The following DNAJC11 variants were observed in gnomAD, a reference collection of about 807,000 sequenced individuals.
The protein encoded by DNAJC11 is DnaJ heat shock protein family (Hsp40) member C11, also known as dnaJ homolog subfamily C member 11.
DNAJC11 carries 15 observed loss-of-function variants against 78.6 expected under a neutral mutation model. That is an observed-to-expected ratio of 0.19 (90% CI 0.13 to 0.29). The LOEUF is 0.29. Ranked by LOEUF, DNAJC11 falls within the 10% of genes least tolerant of loss-of-function variation. DNAJC11 has a pLI of 1.00. For synonymous variants in DNAJC11, 292 were observed against 272.1 expected (o/e 1.07, Z -0.72); for missense variants, 547 against 709.6 (o/e 0.77, Z 2.60).
At chr1:6,642,340 G>A (rs998507272) in intron 10 of DNAJC11, among the ~76,000 whole-genome samples, 3 of 152,238 alleles carry the variant, frequency 2.0e-5, no homozygotes, top group African/African-American at 7.2e-5. Flanking sequence ...GACAGGTTCC[G>A]TGGGGAGGGT....
In DNAJC11 at chr1:6,672,493, G is replaced by A. The variant is rs552003280; in HGVS notation, c.277-4683C>T. ...TTACATTCTGTGATGAATTACGAACGCAAATAATCCAAAGGTGGCAGATCA... is the reference window on the plus strand; with the variant it reads ...TTACATTCTGTGATGAATTACGAACACAAATAATCCAAAGGTGGCAGATCA... On this transcript the variant is annotated intron_variant, in intron 3 of 15. Transcript: ENST00000377577. Among the ~76,000 whole-genome samples, 7 of 152,290 alleles carry A rather than the reference G, an allele frequency of 4.6e-5. No homozygotes were observed. In the East Asian group the frequency reaches 1.3e-3, roughly 29 times the overall value.
chr1:6,675,484 T>C (rs1174588810), intron 3 of DNAJC11, among the ~76,000 whole-genome samples: 2 of 152,202 alleles, frequency 1.3e-5, no homozygotes, highest in Non-Finnish European at 2.9e-5. Context: ...GGTGTGATCA[T>C]GGCTCACTGA....
chr1:6,640,920 T>A (rs964107051), intron 10 of DNAJC11, among the ~76,000 whole-genome samples: 3 of 152,084 alleles, frequency 2.0e-5, no homozygotes, highest in Non-Finnish European at 4.4e-5. Flanking sequence ...TGCAAGAAGT[T>A]TAGGAAACCC....
At chr1:6,675,239 G>C (rs1642442761) in intron 3 of DNAJC11, among the ~76,000 whole-genome samples, 1 of 147,580 alleles carries the variant, frequency 6.8e-6, no homozygotes, top group Non-Finnish European at 1.5e-5. Context: ...TCTTCATTTA[G>C]TTTTCTTTGA....
chr1:6,648,858 C>T (rs892574680), intron 7 of DNAJC11, among the ~76,000 whole-genome samples: 1 of 152,202 alleles, frequency 6.6e-6, no homozygotes, highest in Non-Finnish European at 1.5e-5. Context: ...CTGTTCTCTT[C>T]TAAGTATGAA....
chr1:6,660,681 C>T (rs758345776), intron 4 of DNAJC11, among the ~76,000 whole-genome samples: 4 of 152,296 alleles, frequency 2.6e-5, no homozygotes, highest in South Asian at 2.1e-4. Context: ...ACCAAGTCAA[C>T]GAAAGATGAC....
At chr1:6,701,621 A>T in intron 1 of DNAJC11, 108 bp downstream of exon 1, 1 of 1,200,680 alleles carries the variant, frequency 8.3e-7, no homozygotes, top group Non-Finnish European at 1.1e-6. Context: ...GGCCTCCCCG[A>T]CGGACCCGAG....
At chr1:6,675,377 C>A (rs1399340544) in intron 3 of DNAJC11, among the ~76,000 whole-genome samples, 1 of 150,894 alleles carries the variant, frequency 6.6e-6, no homozygotes, top group Non-Finnish European at 1.5e-5. Context: ...TAACCACTTG[C>A]CACCCACGAC....
chr1:6,645,164 C>G lies in DNAJC11; in HGVS notation c.895-38G>C. On this transcript the variant is annotated intron_variant, in intron 8 of 15. Transcript: ENST00000377577. The surrounding 1 kb of genome is among the most constrained non-coding windows in gnomAD (Gnocchi z 4.1). ...AGGGTGCAAGGATGCGTGGCTAGGG[C>G]GTGTGACTCTGTGGGGAGATGGGTA... is the stretch of plus-strand genomic sequence containing the variant. The G allele has an allele frequency of 6.5e-7, 1 of 1,532,120 alleles. No individual in the cohort carries two copies. The highest frequency in any genetic ancestry group is 9.0e-7 in the Non-Finnish European group (1 of 1,107,792). The allele number at this position is 1,532,120 out of a possible 1,614,324, so 94.9% of individuals were successfully genotyped here. A position where few individuals can be genotyped will look rare whatever the true frequency, so the allele number is the denominator to read the frequency against.
At chr1:6,681,287 T>G (rs1642548551) in intron 1 of DNAJC11, among the ~76,000 whole-genome samples, 1 of 152,172 alleles carries the variant, frequency 6.6e-6, no homozygotes, top group Non-Finnish European at 1.5e-5. Context: ...AATGAACGTT[T>G]GGGTCTCTGG....
At position 6,637,411 on chromosome 1, in the gene DNAJC11, G is replaced by A. The variant is rs1449840193; in HGVS notation, c.1381+36C>T. 7.4e-6 allele frequency: 12 copies of A among 1,614,020 alleles called. No individual in the cohort carries two copies. In the South Asian group the frequency reaches 7.7e-5, roughly 10 times the overall value. The stretch of plus-strand genomic sequence containing the variant: ...CTTGTGTGGCTTAGAGACCCCCAGC[G>A]CCCACCCTGGACCAAGAGAGGACAC... On this transcript the variant is annotated intron_variant, in intron 13 of 15. Coordinates refer to ENST00000377577, the MANE Select transcript of DNAJC11 (RefSeq NM_018198.4).
chr1:6,682,112 C>T (rs1439677375), intron 1 of DNAJC11, among the ~76,000 whole-genome samples: 1 of 135,950 alleles, frequency 7.4e-6, no homozygotes, highest in African/African-American at 2.8e-5. Flanking sequence ...GAACACAGAT[C>T]CTCAAAGAAA....
chr1:6,635,710 A>C lies in DNAJC11; in HGVS notation c.1655-10T>G. On this transcript the variant is annotated splice_polypyrimidine_tract_variant and intron_variant, in intron 15 of 15. Transcript: ENST00000377577. ...GTATCGATCCTGTGGGCTGTAAAGG[A>C]AAAGACAGACGCAGGTGATCAGAAG... 3.1e-6 allele frequency: 5 copies of C among 1,614,016 alleles called. No homozygotes were observed. The highest frequency in any genetic ancestry group is 4.2e-6 in the Non-Finnish European group (5 of 1,179,938).
intron 1 of DNAJC11, among the ~76,000 whole-genome samples, chr1:6,682,781 A>G (rs1642574331): frequency 6.6e-6 from 1 of 152,062 alleles, no homozygotes; most frequent in South Asian, 2.1e-4. Context: ...TACAAAAATT[A>G]CCTGGGCGTG....
chr1:6,686,365 A>AT (rs1642657567), intron 1 of DNAJC11, among the ~76,000 whole-genome samples: 1 of 152,252 alleles, frequency 6.6e-6, no homozygotes, highest in South Asian at 2.1e-4. Context: ...AAAAAGCTTG[A>AT]TAACTGCTGG....
intron 12 of DNAJC11, chr1:6,637,782 T>C: frequency 1.8e-6 from 1 of 545,650 alleles, no homozygotes; most frequent in Non-Finnish European, 3.3e-6. Context: ...GGATCATTAA[T>C]GCGTGGGTGG....
intron 14 of DNAJC11, among the ~76,000 whole-genome samples, chr1:6,636,846 CACT>C (rs1323799163): frequency 2.0e-5 from 3 of 152,030 alleles, no homozygotes; most frequent in East Asian, 1.9e-4. Flanking sequence ...TTCTTCACAC[CACT>C]GTTTGTTTGT....
chr1:6,637,869 C>T (rs1466475309), intron 12 of DNAJC11: 2 of 417,018 alleles, frequency 4.8e-6, no homozygotes, highest in Non-Finnish European at 8.7e-6. Flanking sequence ...AGCTGGAATC[C>T]CAGCTCCTCT....
chr1:6,681,391 A>C (rs1642550339), intron 1 of DNAJC11, among the ~76,000 whole-genome samples: 1 of 152,200 alleles, frequency 6.6e-6, no homozygotes, highest in Non-Finnish European at 1.5e-5. Context: ...AGGCACTCTA[A>C]ACAGAACAGG....
Sources: allele counts gnomAD v4.1 joint callset (sites outside exome capture counted in the v4.1 genomes callset), GRCh38; gene constraint gnomAD v4.1.1; non-coding constraint Gnocchi (gnomAD v3.1); transcripts MANE v1.5; gene names NCBI Gene and HGNC (gene_info 2026-07-23, HGNC 2026-07-21).